Variants in AGBL1 observed in about 807,000 individuals in gnomAD.
AGBL1 encodes the protein cytosolic carboxypeptidase 4.
Under a neutral mutation model 118.9 loss-of-function variants are expected in AGBL1, and 130 were observed. The ratio of observed to expected loss-of-function variants is 1.09; its 90% CI spans 0.95 to 1.26. AGBL1 has a LOEUF of 1.26. Ranked by LOEUF, AGBL1 falls within the 50% of genes most tolerant of loss-of-function variation. AGBL1 has a pLI of 0.00. For missense variants in AGBL1, 1,584 were observed against 1,298.1 expected, an observed-to-expected ratio of 1.22 and a Z score of -3.38; for synonymous variants, 555 against 478.9, an observed-to-expected ratio of 1.16 and a Z score of -2.08.
At chr15:86,645,686 C>A (rs1209975254) in intron 21 of AGBL1, among the ~76,000 whole-genome samples, 1 of 152,186 alleles carries the variant, frequency 6.6e-6, no homozygotes, top group Non-Finnish European at 1.5e-5. Context: ...CTACAGTGAT[C>A]AGCTAATCAG....
At position 86,465,628 on chromosome 15, in the gene AGBL1, T is replaced by C. The variant is rs564424347; in HGVS notation, c.2556-57182T>C. ...CTCTAAACTGGCCGCTCTGGATGTG[T>C]CTGTCTTATGCAGTTGTAGATAAGG... is the stretch of plus-strand genomic sequence containing the variant. On this transcript the variant is annotated intron_variant, in intron 18 of 22. Coordinates refer to ENST00000614907, the MANE Select transcript of AGBL1 (RefSeq NM_001386094.1). Among the ~76,000 whole-genome samples, 201 of 152,346 alleles carry C rather than the reference T, an allele frequency of 1.3e-3. 1 individual carries two copies. Among genetic ancestry groups the C allele is most frequent in the African/African-American group, 4.6e-3 (193 of 41,578 alleles).
chr15:86,598,519 A>G (rs968207560), intron 21 of AGBL1, among the ~76,000 whole-genome samples: 1 of 152,108 alleles, frequency 6.6e-6, no homozygotes, highest in Non-Finnish European at 1.5e-5. Flanking sequence ...CCCAAAAGGG[A>G]TGTAGAGCAA....
At chr15:86,923,502 G>A (rs1169507344) in intron 23 of AGBL1, among the ~76,000 whole-genome samples, 1 of 152,138 alleles carries the variant, frequency 6.6e-6, no homozygotes, top group Non-Finnish European at 1.5e-5. Context: ...CCTGATCTGA[G>A]TATCTTTTGT....
chr15:86,421,489 A>T (rs200095644), intron 18 of AGBL1, among the ~76,000 whole-genome samples: 1 of 152,248 alleles, frequency 6.6e-6, no homozygotes, highest in East Asian at 1.9e-4. Context: ...AGTACCAGCC[A>T]CTGCAAAAAC....
intron 5 of AGBL1, among the ~76,000 whole-genome samples, chr15:86,159,547 T>G (rs956417795): frequency 6.6e-6 from 1 of 152,158 alleles, no homozygotes; most frequent in African/African-American, 2.4e-5. Context: ...TTGAGATGTA[T>G]TTTTATGATT....
Position 86,142,251 on chromosome 15 carries a change from C to T in AGBL1, c.115+184C>T, listed in dbSNP as rs1428785004. ...ACCCAAGTAACCTGGACTGTTTGTA[C>T]TTGCACTCCTCAGTCTTCTCACCCG... On this transcript the variant is annotated intron_variant, in intron 2 of 22. Transcript: ENST00000614907. 5.3e-5 allele frequency among the ~76,000 whole-genome samples: 8 copies of T among 152,290 alleles called. No individual in the cohort carries two copies. In the East Asian group the frequency reaches 1.5e-3, roughly 29 times the overall value.
At chr15:86,922,591 CAGAA>C (rs1284243926) in intron 23 of AGBL1, among the ~76,000 whole-genome samples, 1 of 152,138 alleles carries the variant, frequency 6.6e-6, no homozygotes, top group African/African-American at 2.4e-5. Flanking sequence ...ATGCCCGGCC[CAGAA>C]ACATTTTAAA....
chr15:86,844,603 G>T (rs1213696587), intron 22 of AGBL1, among the ~76,000 whole-genome samples: 2 of 151,922 alleles, frequency 1.3e-5, no homozygotes, highest in Non-Finnish European at 2.9e-5. Context: ...TATATATTTG[G>T]ATACAAATTT....
At chr15:86,922,421 G>A (rs2080490395) in intron 23 of AGBL1, among the ~76,000 whole-genome samples, 1 of 152,170 alleles carries the variant, frequency 6.6e-6, no homozygotes, top group Non-Finnish European at 1.5e-5. Flanking sequence ...CTCCCAAGTA[G>A]GTGGGATTAC....
chr15:86,088,697 A>T (rs1895832221), intron 1 of AGBL1, among the ~76,000 whole-genome samples: 2 of 152,222 alleles, frequency 1.3e-5, no homozygotes, highest in Admixed American at 6.5e-5. Flanking sequence ...AAATGTCAGG[A>T]TAAATTTACT....
intron 1 of AGBL1, among the ~76,000 whole-genome samples, chr15:86,136,837 A>C (rs1433610662): frequency 6.6e-6 from 1 of 152,210 alleles, no homozygotes; most frequent in Non-Finnish European, 1.5e-5. Context: ...GACACATTCA[A>C]AACAGTATTT....
intron 22 of AGBL1, among the ~76,000 whole-genome samples, chr15:86,701,344 G>T (rs541856917): frequency 5.9e-5 from 9 of 152,092 alleles, no homozygotes; most frequent in African/African-American, 1.9e-4. Context: ...GGGGACTCTG[G>T]TTGTGTGTGT....
At chr15:86,279,985 C>T (rs762542905) in intron 16 of AGBL1, among the ~76,000 whole-genome samples, 1 of 152,176 alleles carries the variant, frequency 6.6e-6, no homozygotes, top group Non-Finnish European at 1.5e-5. Context: ...GGACAGAGCA[C>T]AAGGCTGAGC....
intron 22 of AGBL1, among the ~76,000 whole-genome samples, chr15:86,888,059 G>A (rs1596594703): frequency 6.6e-6 from 1 of 152,116 alleles, no homozygotes; most frequent in Admixed American, 6.5e-5. Context: ...TGAGAAAAAG[G>A]AGGTGCATCT....
In AGBL1 at chr15:86,699,249, C is replaced by A. The variant is rs75516388; in HGVS notation, c.3158+24813C>A. Among the ~76,000 whole-genome samples the A allele has an allele frequency of 6.5e-3, 993 of 151,756 alleles. 11 individuals are homozygous for A. The highest frequency in any genetic ancestry group is 0.023 in the African/African-American group (939 of 41,422). On this transcript the variant is annotated intron_variant, in intron 22 of 22. Transcript: ENST00000614907. ...CTATATATACCCAGTCATTTTTTTCCAAATCATTTAAGTTGCAGATATAAT... is the reference window on the plus strand; with the variant it reads ...CTATATATACCCAGTCATTTTTTTCAAAATCATTTAAGTTGCAGATATAAT...
intron 18 of AGBL1, among the ~76,000 whole-genome samples, chr15:86,442,899 T>C (rs1413248362): frequency 6.6e-6 from 1 of 152,210 alleles, no homozygotes; most frequent in Non-Finnish European, 1.5e-5. Flanking sequence ...AGAGATGCGA[T>C]TGCTGTGTAG....
At chr15:86,240,327 C>G (rs116579434) in intron 6 of AGBL1, among the ~76,000 whole-genome samples, 1,601 of 152,264 alleles carry the variant, frequency 0.011, 29 homozygotes, top group Middle Eastern at 0.037. Context: ...ATTTAGAATA[C>G]TTAGTAGAGA....
chr15:86,791,234 A>G (rs1567175778), intron 22 of AGBL1, among the ~76,000 whole-genome samples: 2 of 152,182 alleles, frequency 1.3e-5, no homozygotes, highest in Non-Finnish European at 2.9e-5. Flanking sequence ...AAGTTTCCCA[A>G]TAAGGCTTAG....
intron 20 of AGBL1, among the ~76,000 whole-genome samples, chr15:86,550,985 T>C (rs1052514798): frequency 6.6e-6 from 1 of 152,030 alleles, no homozygotes; most frequent in Non-Finnish European, 1.5e-5. Context: ...AATTAACTTA[T>C]GGATCAAAGA....
Sources: allele counts gnomAD v4.1 joint callset (sites outside exome capture counted in the v4.1 genomes callset), GRCh38; gene constraint gnomAD v4.1.1; transcripts MANE v1.5; gene names NCBI Gene and HGNC (gene_info 2026-07-23, HGNC 2026-07-21).